The following FBXO34 variants were observed in gnomAD, a reference collection of about 807,000 sequenced individuals.
The protein encoded by FBXO34 is F-box protein 34, also known as F-box only protein 34.
Under a neutral mutation model 24.5 loss-of-function variants are expected in FBXO34, and 12 were observed. That is an observed-to-expected ratio of 0.49 (90% CI 0.31 to 0.79). The LOEUF is 0.79. Among genes scored for constraint, FBXO34 ranks in the 30% least tolerant of loss-of-function variants. The pLI is 0.04. For missense variants in FBXO34, 823 were observed against 857.7 expected, an observed-to-expected ratio of 0.96 and a Z score of 0.51; for synonymous variants, 320 against 311.9, an observed-to-expected ratio of 1.03 and a Z score of -0.27.
chr14:55,426,356 G>T, the FBXO34 span, among the ~76,000 whole-genome samples: 38 of 152,166 alleles, frequency 2.5e-4, no homozygotes, highest in African/African-American at 8.9e-4. Context: ...GATTACCAGA[G>T]AAAGTGCCTG....
Position 55,331,705 on chromosome 14 carries a change from GTATATATATATGTA to G in FBXO34, c.-10-18666_-10-18653del, listed in dbSNP as rs1431333447. 7.4e-5 allele frequency among the ~76,000 whole-genome samples: 2 copies of G among 26,958 alleles called. 1 individual carries two copies. The highest frequency in any genetic ancestry group is 1.1e-3 in the African/African-American group (2 of 1,894). 17.7% of individuals were successfully genotyped at this position (26,958 alleles called of 152,430 possible). On this transcript the variant is annotated intron_variant, in intron 1 of 1. Transcript: ENST00000313833. ...TATATGTGTATATATATATATATAT[GTATATATATATGTA>G]TATATATATGTATATATATATGTGT... is the stretch of plus-strand genomic sequence containing the variant.
At chr14:55,296,594 C>T (rs572137397) in intron 1 of FBXO34, among the ~76,000 whole-genome samples, 118 of 151,782 alleles carry the variant, frequency 7.8e-4, no homozygotes, top group African/African-American at 2.6e-3. Context: ...GATGGGGTTT[C>T]ACCATATTGC....
At chr14:55,387,764 G>A in the FBXO34 span, among the ~76,000 whole-genome samples, 1 of 151,864 alleles carries the variant, frequency 6.6e-6, no homozygotes, top group Non-Finnish European at 1.5e-5. Flanking sequence ...CGCCTCCCGG[G>A]TTCAATTGAT....
the FBXO34 span, chr14:55,424,153 A>G: frequency 6.2e-7 from 1 of 1,604,988 alleles, no homozygotes; most frequent in African/African-American, 1.3e-5. Context: ...TAATCTTAGC[A>G]CTTACCTGTC....
intron 1 of FBXO34, among the ~76,000 whole-genome samples, chr14:55,314,701 A>C (rs112116674): frequency 0.058 from 8,843 of 152,318 alleles, 325 homozygotes; most frequent in South Asian, 0.09. Flanking sequence ...AAATGAAAGA[A>C]AAAAACCTTG....
At chr14:55,369,160 T>TA (rs1884752505), downstream of FBXO34, 1 of 153,086 alleles carries the variant, frequency 6.5e-6, no homozygotes, top group African/African-American at 2.4e-5. Context: ...AAAACTCTTA[T>TA]TAAAGAGCTT....
chr14:55,333,801 T>G (rs1191787978), intron 1 of FBXO34, among the ~76,000 whole-genome samples: 1 of 151,916 alleles, frequency 6.6e-6, no homozygotes, highest in Non-Finnish European at 1.5e-5. Context: ...GGGGAGACTT[T>G]ATAGTGTTTC....
At chr14:55,324,495 G>A (rs1272834605) in intron 1 of FBXO34, among the ~76,000 whole-genome samples, 1 of 150,374 alleles carries the variant, frequency 6.7e-6, no homozygotes, top group Non-Finnish European at 1.5e-5. Context: ...TTTTTTTAAT[G>A]TTGATGTTTT....
At chr14:55,411,622 G>A in the FBXO34 span, 39 of 1,611,444 alleles carry the variant, frequency 2.4e-5, 1 homozygote, top group African/African-American at 1.9e-4. Context: ...CGCGGCCGTC[G>A]AAGTAGACGA....
intron 1 of FBXO34, among the ~76,000 whole-genome samples, chr14:55,279,444 CTAATA>C (rs1336295937): frequency 1.3e-5 from 2 of 152,038 alleles, no homozygotes; most frequent in Non-Finnish European, 2.9e-5. Context: ...ACAGATATTG[CTAATA>C]TAATACTATT....
intron 1 of FBXO34, among the ~76,000 whole-genome samples, chr14:55,309,924 T>G (rs756029836): frequency 2.6e-5 from 4 of 152,226 alleles, no homozygotes; most frequent in Non-Finnish European, 4.4e-5. Context: ...CAATGAGTTT[T>G]CTGATCCTTA....
chr14:55,276,524 T>G (rs1881348585), intron 1 of FBXO34, among the ~76,000 whole-genome samples: 2 of 152,158 alleles, frequency 1.3e-5, no homozygotes, highest in South Asian at 4.1e-4. Context: ...ATGCCACACT[T>G]TGAGACGAAT....
At chr14:55,408,690 G>C in the FBXO34 span, among the ~76,000 whole-genome samples, 5 of 152,322 alleles carry the variant, frequency 3.3e-5, no homozygotes, top group South Asian at 6.2e-4. Flanking sequence ...AGGATTGCTT[G>C]AGCCCAGGAG....
At position 55,351,597 on chromosome 14, in the gene FBXO34, T is replaced by C. The variant is rs773431048; in HGVS notation, c.1207T>C (p.Tyr403His). 1.5e-5 allele frequency: 24 copies of C among 1,614,082 alleles called. No homozygotes were observed. Among genetic ancestry groups the C allele is most frequent in the Non-Finnish European group, 1.9e-5 (23 of 1,180,044 alleles). Reference protein sequence around the residue: ...SQTAVKNSNRYDVEMTDELVG... With the variant: ...SQTAVKNSNRHDVEMTDELVG... ...AACTGCCGTGAAAAACAGCAACAGA[T>C]ATGATGTGGAAATGACAGATGAACT... is the stretch of plus-strand genomic sequence containing the variant. Residue 403 changes from tyrosine (Y) to histidine (H), a missense_variant, in exon 2 of 2, where the codon TAT becomes CAT. Coordinates refer to ENST00000313833, the MANE Select transcript of FBXO34 (RefSeq NM_017943.4).
chr14:55,429,766 C>CAAAA, the FBXO34 span, among the ~76,000 whole-genome samples: 27 of 52,352 alleles, frequency 5.2e-4, no homozygotes, highest in East Asian at 2.9e-3. Context: ...AACTCCGTCT[C>CAAAA]AAAAAAAAAA....
the FBXO34 span, chr14:55,433,688 G>C: frequency 6.2e-7 from 1 of 1,614,042 alleles, no homozygotes; most frequent in Non-Finnish European, 8.5e-7. Flanking sequence ...GTTGTCCTGG[G>C]CTCTCGGATC....
intron 1 of FBXO34, among the ~76,000 whole-genome samples, chr14:55,278,906 C>G (rs1007055721): frequency 6.6e-6 from 1 of 152,162 alleles, no homozygotes; most frequent in Non-Finnish European, 1.5e-5. Context: ...AGGCTAGTCT[C>G]GAGTTCCTGG....
At chr14:55,276,051 A>T (rs1430740626) in intron 1 of FBXO34, among the ~76,000 whole-genome samples, 1 of 152,212 alleles carries the variant, frequency 6.6e-6, no homozygotes, top group Non-Finnish European at 1.5e-5. Flanking sequence ...ACAAGTGCTC[A>T]AGGCCAGAAC....
At chr14:55,397,830 T>G in the FBXO34 span, among the ~76,000 whole-genome samples, 1 of 152,060 alleles carries the variant, frequency 6.6e-6, no homozygotes, top group African/African-American at 2.4e-5. Flanking sequence ...TTCCTTATAA[T>G]AAATTTTTAA....
Sources: gnomAD v4.1 joint callset for allele counts (sites outside exome capture counted in the v4.1 genomes callset) on GRCh38, gnomAD v4.1.1 for gene constraint, MANE v1.5 for transcripts, NCBI Gene and HGNC (gene_info 2026-07-23, HGNC 2026-07-21) for gene names.